The following BANK1 variants were observed in gnomAD, a reference collection of about 807,000 sequenced individuals.
The protein encoded by BANK1 is B cell scaffold protein with ankyrin repeats 1.
Under a neutral mutation model 94.5 loss-of-function variants are expected in BANK1, and 95 were observed. That is an observed-to-expected ratio of 1.00 (90% CI 0.85 to 1.19). The LOEUF (loss-of-function observed/expected upper bound fraction) is 1.19, where lower values mean the gene tolerates loss of function less well. BANK1 is among the 50% of genes most tolerant of loss of function. The pLI, the probability that BANK1 is intolerant of heterozygous loss-of-function variation, is 0.00. For missense variants in BANK1, 987 were observed against 932.2 expected, an observed-to-expected ratio of 1.06 and a Z score of -0.77; for synonymous variants, 334 against 308.4, an observed-to-expected ratio of 1.08 and a Z score of -0.87.
chr4:102,031,541 A>T (rs1344549349), intron 10 of BANK1, among the ~76,000 whole-genome samples: 1 of 152,186 alleles, frequency 6.6e-6, no homozygotes, highest in Non-Finnish European at 1.5e-5. Flanking sequence ...TAAATTTAGA[A>T]ACATAGTGAG....
At chr4:101,987,811 A>G (rs899141021) in intron 7 of BANK1, among the ~76,000 whole-genome samples, 1 of 152,234 alleles carries the variant, frequency 6.6e-6, no homozygotes, top group Non-Finnish European at 1.5e-5. Flanking sequence ...AACCTATGGT[A>G]TCATTATACT....
intron 7 of BANK1, among the ~76,000 whole-genome samples, chr4:101,935,526 T>C (rs1365207533): frequency 6.6e-6 from 1 of 151,550 alleles, no homozygotes; most frequent in Non-Finnish European, 1.5e-5. Flanking sequence ...ATCAAGAATT[T>C]CTTGAAAGTG....
intron 1 of BANK1, among the ~76,000 whole-genome samples, chr4:101,816,265 C>G (rs35072064): frequency 0.075 from 11,385 of 152,200 alleles, 622 homozygotes; most frequent in Admixed American, 0.19. Flanking sequence ...AAGGCATAGG[C>G]TCATGTTTCC....
At chr4:101,801,773 A>G (rs1351007087) in intron 1 of BANK1, among the ~76,000 whole-genome samples, 1 of 152,226 alleles carries the variant, frequency 6.6e-6, no homozygotes, top group Non-Finnish European at 1.5e-5. Flanking sequence ...CACATTACAT[A>G]TTTAAAATGT....
intron 6 of BANK1, among the ~76,000 whole-genome samples, chr4:101,908,312 T>A (rs1722536433): frequency 1.3e-5 from 2 of 152,220 alleles, no homozygotes; most frequent in Admixed American, 6.5e-5. Context: ...GGGAAAGGAT[T>A]CCCTATTTAA....
intron 7 of BANK1, among the ~76,000 whole-genome samples, chr4:101,980,668 G>A (rs1338848151): frequency 6.6e-6 from 1 of 151,848 alleles, no homozygotes; most frequent in African/African-American, 2.4e-5. Context: ...AAATTAAATT[G>A]AAACAGTTTA....
intron 7 of BANK1, among the ~76,000 whole-genome samples, chr4:102,011,155 A>G (rs987336359): frequency 6.6e-6 from 1 of 152,214 alleles, no homozygotes; most frequent in Non-Finnish European, 1.5e-5. Flanking sequence ...AGCCTTCTAC[A>G]TTTGGAACAA....
At chr4:101,836,332 T>C (rs1726825901) in intron 2 of BANK1, among the ~76,000 whole-genome samples, 1 of 151,928 alleles carries the variant, frequency 6.6e-6, no homozygotes, top group African/African-American at 2.4e-5. Context: ...ATACAAAAAT[T>C]AGCTGGGCAT....
chr4:101,965,605 C>T (rs1396255275), intron 7 of BANK1, among the ~76,000 whole-genome samples: 1 of 152,082 alleles, frequency 6.6e-6, no homozygotes, highest in Non-Finnish European at 1.5e-5. Context: ...AAGCCACACA[C>T]AATGCCTATA....
In BANK1 at chr4:101,896,040, C is replaced by G. The variant is rs557000397; in HGVS notation, c.1009+630C>G. Among the ~76,000 whole-genome samples, 4 of 151,880 alleles carry G rather than the reference C, an allele frequency of 2.6e-5. No individual in the cohort carries two copies. The South Asian group carries it at 8.3e-4, about 31-fold the overall frequency. ...TTGGGTTGTGCAATTTCAAATATTA[C>G]ATCTTGTTTCACCTTATTGAGTCTG... is the stretch of plus-strand genomic sequence containing the variant. On this transcript the variant is annotated intron_variant, in intron 6 of 16. Coordinates refer to ENST00000322953, the MANE Select transcript of BANK1 (RefSeq NM_017935.5).
intron 7 of BANK1, among the ~76,000 whole-genome samples, chr4:101,982,669 A>T (rs1725360696): frequency 1.3e-5 from 2 of 151,954 alleles, no homozygotes; most frequent in Admixed American, 1.3e-4. Context: ...TTGGATTATC[A>T]TATATTTTAC....
intron 8 of BANK1, among the ~76,000 whole-genome samples, chr4:102,024,979 A>G (rs1727034177): frequency 6.6e-6 from 1 of 152,230 alleles, no homozygotes; most frequent in South Asian, 2.1e-4. Context: ...ATATACACAG[A>G]TAGCAAGACA....
intron 5 of BANK1, among the ~76,000 whole-genome samples, chr4:101,876,997 A>T (rs1172903473): frequency 6.6e-6 from 1 of 150,470 alleles, no homozygotes; most frequent in Non-Finnish European, 1.5e-5. Flanking sequence ...GAAGATATGC[A>T]GTCAGAGGAG....
At chr4:102,048,793 A>G (rs954529123) in intron 11 of BANK1, among the ~76,000 whole-genome samples, 5 of 152,192 alleles carry the variant, frequency 3.3e-5, no homozygotes, top group African/African-American at 4.8e-5. Flanking sequence ...AGGAAGTTAC[A>G]TTATTGCTAA....
chr4:101,953,504 A>T (rs1258596442), intron 7 of BANK1, among the ~76,000 whole-genome samples: 2 of 152,064 alleles, frequency 1.3e-5, no homozygotes, highest in East Asian at 3.9e-4. Flanking sequence ...GCAGACTTGC[A>T]ACACTGTATC....
chr4:102,066,144 G>GTAAA (rs1728583280), intron 13 of BANK1, among the ~76,000 whole-genome samples: 8 of 151,234 alleles, frequency 5.3e-5, no homozygotes, highest in Admixed American at 5.3e-4. Context: ...TTAAGCCAAG[G>GTAAA]TAAAAAGAAA....
chr4:102,070,081 G>A (rs1371676291), intron 13 of BANK1, among the ~76,000 whole-genome samples: 1 of 152,164 alleles, frequency 6.6e-6, no homozygotes, highest in Non-Finnish European at 1.5e-5. Flanking sequence ...TGACAGAGGG[G>A]CATAAGGCAG....
chr4:101,944,684 A>G (rs1322272416), intron 7 of BANK1, among the ~76,000 whole-genome samples: 2 of 152,018 alleles, frequency 1.3e-5, no homozygotes, highest in Non-Finnish European at 2.9e-5. Context: ...GATTAGGAAC[A>G]CTTCCCAGAG....
At chr4:101,888,406 A>AC (rs1385173427) in intron 5 of BANK1, among the ~76,000 whole-genome samples, 4 of 152,174 alleles carry the variant, frequency 2.6e-5, no homozygotes, top group Non-Finnish European at 5.9e-5. Flanking sequence ...CCTACCTCCC[A>AC]CACACATCAC....
Sources: gnomAD v4.1 joint callset for allele counts (sites outside exome capture counted in the v4.1 genomes callset) on GRCh38, gnomAD v4.1.1 for gene constraint, MANE v1.5 for transcripts, NCBI Gene and HGNC (gene_info 2026-07-23, HGNC 2026-07-21) for gene names.